Variants in EIF3I observed in about 807,000 individuals in gnomAD.
EIF3I encodes the protein TGF-beta receptor-interacting protein 1.
Under a neutral mutation model 43.3 loss-of-function variants are expected in EIF3I, and 20 were observed. That is an observed-to-expected ratio of 0.46 (90% CI 0.32 to 0.67). The LOEUF is 0.67. EIF3I is among the 30% of genes least tolerant of loss of function. EIF3I has a pLI of 0.03. For synonymous variants in EIF3I, 167 were observed against 151.7 expected, an observed-to-expected ratio of 1.10 and a Z score of -0.74; for missense variants, 279 against 421.4, an observed-to-expected ratio of 0.66 and a Z score of 2.96.
intron 6 of EIF3I, among the ~76,000 whole-genome samples, chr1:32,226,901 C>T (rs1425649824): frequency 2.2e-5 from 3 of 136,788 alleles, no homozygotes; most frequent in East Asian, 4.6e-4. Flanking sequence ...GGTACGATCT[C>T]GGCTCACTGC....
intron 4 of EIF3I, among the ~76,000 whole-genome samples, chr1:32,224,773 G>C (rs943337992): frequency 6.6e-6 from 1 of 150,774 alleles, no homozygotes; most frequent in Non-Finnish European, 1.5e-5. Context: ...CGGGTTCAAG[G>C]GATTCTCCTG....
chr1:32,227,305 TAAA>T (rs1490405131), intron 6 of EIF3I, among the ~76,000 whole-genome samples: 6 of 133,188 alleles, frequency 4.5e-5, no homozygotes, highest in African/African-American at 8.3e-5. Context: ...AAAAAGTTAA[TAAA>T]AAATTTTAAA....
At chr1:32,224,037 G>A in exon 3 of EIF3I, 1 of 1,614,136 alleles carries the variant, frequency 6.2e-7, no homozygotes, top group Non-Finnish European at 8.5e-7. Flanking sequence ...TTTCCAGATC[G>A]TCAATGTATG....
Position 32,231,029 on chromosome 1 carries a change from C to A in EIF3I, c.1007+10C>A, listed in dbSNP as rs187176057. 555 of 1,613,546 alleles carry A rather than the reference C, an allele frequency of 3.4e-4. No individual in the cohort carries two copies. The highest frequency in any genetic ancestry group is 4.2e-4 in the Non-Finnish European group (501 of 1,179,628). On this transcript the variant is annotated intron_variant, in intron 11 of 11. Coordinates refer to ENST00000676679, the Ensembl canonical transcript of EIF3I. Reference sequence around the variant, plus strand: ...ATCCTGATGGCAAGAGGTAGGGTACCAGTGAAGCAGCTGACCTAAGCCTGG... The same window carrying A: ...ATCCTGATGGCAAGAGGTAGGGTACAAGTGAAGCAGCTGACCTAAGCCTGG...
chr1:32,222,561 T>C (rs141934338), exon 2 of EIF3I: 27 of 1,614,066 alleles, frequency 1.7e-5, no homozygotes, highest in Non-Finnish European at 4.2e-6. Context: ...TGCAGGGCCA[T>C]GAGCGGTCCA....
rs772513365 is a variant in EIF3I, at chr1:32,226,167, C to G, written c.251-4C>G. On this transcript the variant is annotated splice_region_variant and splice_polypyrimidine_tract_variant and intron_variant, in intron 4 of 11. Coordinates refer to ENST00000676679, the Ensembl canonical transcript of EIF3I. ...GGTGTAGCCCAGACTTTGCCTGACT[C>G]CAGGAAAGCAGCTGGCCCTTCTCAA... The G allele has an allele frequency of 2.5e-6, 4 of 1,613,996 alleles. No homozygotes were observed. Among genetic ancestry groups the G allele is most frequent in the Non-Finnish European group, 3.4e-6 (4 of 1,179,900 alleles).
At chr1:32,229,259 TTTTG>T in intron 9 of EIF3I, 51 bp downstream of exon 9, 2 of 1,582,736 alleles carry the variant, frequency 1.3e-6, no homozygotes, top group Non-Finnish European at 1.7e-6. Flanking sequence ...GGTGTACCTT[TTTTG>T]TTTGTTTTTG....
intron 6 of EIF3I, among the ~76,000 whole-genome samples, chr1:32,227,965 G>C (rs952848334): frequency 5.3e-5 from 8 of 152,200 alleles, no homozygotes; most frequent in African/African-American, 1.9e-4. Flanking sequence ...CCACCATAGA[G>C]GTCTCAGCCA....
intron 6 of EIF3I, among the ~76,000 whole-genome samples, chr1:32,226,809 G>A (rs1256060012): frequency 1.5e-5 from 2 of 134,026 alleles, no homozygotes; most frequent in Non-Finnish European, 3.1e-5. Context: ...ACCTCAGGCA[G>A]TCCACCGCTC....
chr1:32,224,784 T>C (rs1298303), intron 4 of EIF3I, among the ~76,000 whole-genome samples: 11 of 151,554 alleles, frequency 7.3e-5, no homozygotes, highest in Non-Finnish European at 1.6e-4. Context: ...GATTCTCCTG[T>C]CTCAGCCAGC....
chr1:32,227,294 A>G (rs1639162907), intron 6 of EIF3I, among the ~76,000 whole-genome samples: 1 of 151,286 alleles, frequency 6.6e-6, no homozygotes, highest in South Asian at 2.1e-4. Flanking sequence ...AAAAAAAAAA[A>G]AAAAAGTTAA....
chr1:32,226,902 G>A (rs1455253514), intron 6 of EIF3I, among the ~76,000 whole-genome samples: 48 of 137,354 alleles, frequency 3.5e-4, no homozygotes, highest in African/African-American at 1.3e-3. Context: ...GTACGATCTC[G>A]GCTCACTGCA....
At chr1:32,223,855 T>G (rs1639088550) in intron 2 of EIF3I, among the ~76,000 whole-genome samples, 179 bp from the exon 3 acceptor site, 1 of 152,180 alleles carries the variant, frequency 6.6e-6, no homozygotes, top group Admixed American at 6.5e-5. Context: ...GTTGCTTCCC[T>G]TCAGGAAGGG....
At position 32,224,245 on chromosome 1, in the gene EIF3I, T is replaced by G; in HGVS notation, c.184+124T>G. 11 of 1,123,336 alleles carry G rather than the reference T, an allele frequency of 9.8e-6. 1 individual carries two copies. The South Asian group carries it at 1.4e-4, about 14-fold the overall frequency. The allele number at this position is 1,123,336 out of a possible 1,614,324, so 69.6% of individuals were successfully genotyped here. A position where few individuals can be genotyped will look rare whatever the true frequency, so the allele number is the denominator to read the frequency against. On this transcript the variant is annotated intron_variant, in intron 3 of 11. Coordinates refer to ENST00000676679, the Ensembl canonical transcript of EIF3I. ...GAGAACGATACCTCCTACTCCCTGGTCTCTTCACTGACTGAGGAAACATTC... is the reference window on the plus strand; with the variant it reads ...GAGAACGATACCTCCTACTCCCTGGGCTCTTCACTGACTGAGGAAACATTC...
At chr1:32,231,212 G>C (rs1264191873) in exon 12 of EIF3I, 1 of 1,612,896 alleles carries the variant, frequency 6.2e-7, no homozygotes. Context: ...TGGATCTCCT[G>C]CCGGGCGTGG....
intron 6 of EIF3I, among the ~76,000 whole-genome samples, chr1:32,228,186 G>A (rs543276802): frequency 5.3e-5 from 8 of 152,320 alleles, no homozygotes; most frequent in African/African-American, 1.7e-4. Context: ...ACGTCCTTCA[G>A]TGTGAGGAGG....
At chr1:32,224,115 G>A (rs1289414671) in exon 3 of EIF3I, 4 of 1,613,964 alleles carry the variant, frequency 2.5e-6, no homozygotes, top group East Asian at 2.2e-5. Context: ...GTGTGTGGAC[G>A]CTGACTGTAT....
chr1:32,224,290 G>C (rs1326620292), intron 3 of EIF3I, 120 bp from the exon 4 acceptor site: 5 of 1,099,184 alleles, frequency 4.5e-6, no homozygotes. Context: ...TCCAGTTCTG[G>C]ATAAGGAGGT....
chr1:32,229,185 CAGGATTGGCAAGTTTG>C lies in EIF3I; in HGVS notation c.784_799del (p.Ile262ProfsTer33). The stretch of plus-strand genomic sequence containing the variant: ...CCATGGATGTAACCACAACCTCCAC[CAGGATTGGCAAGTTTG>C]AGGCCAGGTAAAGAAGAAGAGAGCT... On this transcript the variant is annotated frameshift_variant, in exon 9 of 12. Coordinates refer to ENST00000676679, the Ensembl canonical transcript of EIF3I. LOFTEE classifies it high-confidence loss of function. The C allele has an allele frequency of 2.5e-6, 4 of 1,614,184 alleles. No homozygotes were observed. The highest frequency in any genetic ancestry group is 3.4e-6 in the Non-Finnish European group (4 of 1,180,032).
Sources: gnomAD v4.1 joint callset for allele counts (sites outside exome capture counted in the v4.1 genomes callset) on GRCh38, gnomAD v4.1.1 for gene constraint, MANE v1.5 for transcripts, NCBI Gene and HGNC (gene_info 2026-07-23, HGNC 2026-07-21) for gene names.